The following GRID2 variants were observed in gnomAD, a reference collection of about 807,000 sequenced individuals.
GRID2 encodes the protein glutamate ionotropic receptor delta type subunit 2, also known as glutamate receptor ionotropic, delta-2.
Under a neutral mutation model 114.8 loss-of-function variants are expected in GRID2, and 33 were observed. The ratio of observed to expected loss-of-function variants is 0.29; its 90% CI spans 0.22 to 0.38. GRID2 has a LOEUF of 0.38. Ranked by LOEUF, GRID2 falls within the 10% of genes least tolerant of loss-of-function variation. The pLI is 1.00. For synonymous variants in GRID2, 505 were observed against 449.9 expected (o/e 1.12, Z -1.55); for missense variants, 1,184 against 1,257.7 (o/e 0.94, Z 0.89).
intron 14 of GRID2, among the ~76,000 whole-genome samples, chr4:93,676,788 G>C (rs2110078392): frequency 6.6e-6 from 1 of 150,992 alleles, no homozygotes; most frequent in Non-Finnish European, 1.5e-5. Context: ...AAAAACACCT[G>C]AGAGTTTCCG....
chr4:92,785,935 T>C (rs571130377), intron 2 of GRID2, among the ~76,000 whole-genome samples: 18 of 151,978 alleles, frequency 1.2e-4, no homozygotes, highest in South Asian at 8.3e-4. Flanking sequence ...TTGGAACATA[T>C]GATTTAAGTT....
chr4:93,397,140 A>G (rs1359683545), intron 9 of GRID2, among the ~76,000 whole-genome samples: 1 of 152,026 alleles, frequency 6.6e-6, no homozygotes, highest in Admixed American at 6.6e-5. Context: ...TTTATTGTCA[A>G]AAAAGTGGAT....
intron 2 of GRID2, among the ~76,000 whole-genome samples, chr4:92,690,386 T>G (rs566773524): frequency 2.2e-4 from 33 of 152,250 alleles, no homozygotes; most frequent in African/African-American, 6.7e-4. Context: ...ATTTATTGTC[T>G]AAGTTTGCTG....
chr4:92,618,890 CTT>C (rs990446958), intron 2 of GRID2, among the ~76,000 whole-genome samples: 2 of 151,624 alleles, frequency 1.3e-5, no homozygotes, highest in African/African-American at 4.8e-5. Flanking sequence ...TATCCTGAAA[CTT>C]TTTGAATTTG....
At chr4:92,964,559 A>C (rs1753016079) in intron 2 of GRID2, among the ~76,000 whole-genome samples, 1 of 152,014 alleles carries the variant, frequency 6.6e-6, no homozygotes, top group Admixed American at 6.6e-5. Context: ...TAAAAAATAA[A>C]AATCTGTTGT....
intron 2 of GRID2, among the ~76,000 whole-genome samples, chr4:92,920,647 C>A (rs562564129): frequency 6.4e-4 from 97 of 152,228 alleles, no homozygotes; most frequent in Non-Finnish European, 8.4e-4. Context: ...GTTGAAAATT[C>A]TTTTCTTTAA....
At chr4:93,697,032 T>C (rs1386010110) in intron 14 of GRID2, among the ~76,000 whole-genome samples, 1 of 152,130 alleles carries the variant, frequency 6.6e-6, no homozygotes, top group Non-Finnish European at 1.5e-5. Context: ...ATGCAAAAAA[T>C]ACTAAAATTA....
chr4:92,525,145 A>G (rs1270527604), intron 1 of GRID2, among the ~76,000 whole-genome samples: 2 of 152,032 alleles, frequency 1.3e-5, no homozygotes, highest in Non-Finnish European at 2.9e-5. Flanking sequence ...GGAATCAAAG[A>G]ACTGGTGGAA....
chr4:93,579,376 AT>A (rs1736745868), intron 13 of GRID2, among the ~76,000 whole-genome samples: 1 of 152,110 alleles, frequency 6.6e-6, no homozygotes, highest in Admixed American at 6.6e-5. Context: ...TGATAGGAAT[AT>A]TCCAGTCCTG....
chr4:92,710,598 G>T (rs567110716), intron 2 of GRID2, among the ~76,000 whole-genome samples: 6 of 152,122 alleles, frequency 3.9e-5, no homozygotes, highest in Non-Finnish European at 7.4e-5. Context: ...GTACTTCTGT[G>T]CTATCCTTAT....
At chr4:92,816,869 GTTAAA>G (rs1304640276) in intron 2 of GRID2, among the ~76,000 whole-genome samples, 1 of 152,072 alleles carries the variant, frequency 6.6e-6, no homozygotes, top group African/African-American at 2.4e-5. Context: ...AATAAAAACT[GTTAAA>G]TTTAAAAACA....
At chr4:92,977,168 A>G (rs1753930572) in intron 2 of GRID2, among the ~76,000 whole-genome samples, 1 of 152,188 alleles carries the variant, frequency 6.6e-6, no homozygotes, top group Non-Finnish European at 1.5e-5. Flanking sequence ...GTATTAAAAT[A>G]TGTACTATGC....
intron 2 of GRID2, among the ~76,000 whole-genome samples, chr4:92,990,278 T>C (rs1438141478): frequency 1.9e-5 from 2 of 106,920 alleles, no homozygotes; most frequent in African/African-American, 3.7e-5. Context: ...TGTACGTAGA[T>C]ATGTGTGTGT....
chr4:92,943,401 A>G (rs1169591687), intron 2 of GRID2, among the ~76,000 whole-genome samples: 1 of 152,116 alleles, frequency 6.6e-6, no homozygotes, highest in East Asian at 1.9e-4. Context: ...TTCATCACAT[A>G]GTTCTCATGC....
intron 2 of GRID2, among the ~76,000 whole-genome samples, chr4:92,804,494 A>C (rs950129591): frequency 3.0e-4 from 46 of 152,148 alleles, no homozygotes; most frequent in African/African-American, 1.0e-3. Flanking sequence ...AAGTAAAAAA[A>C]ATGGTTAAAT....
chr4:93,004,845 A>G (rs1333595408), intron 2 of GRID2, among the ~76,000 whole-genome samples: 1 of 152,050 alleles, frequency 6.6e-6, no homozygotes, highest in African/African-American at 2.4e-5. Flanking sequence ...TTATATTAGA[A>G]TTTGGCCCAA....
intron 13 of GRID2, among the ~76,000 whole-genome samples, chr4:93,529,842 A>G (rs1731271032): frequency 6.6e-6 from 1 of 152,106 alleles, no homozygotes; most frequent in Middle Eastern, 3.2e-3. Flanking sequence ...ACAAAACAAT[A>G]CTTATCTGCT....
chr4:92,971,902 T>C (rs1753543159), intron 2 of GRID2, among the ~76,000 whole-genome samples: 1 of 152,174 alleles, frequency 6.6e-6, no homozygotes, highest in Non-Finnish European at 1.5e-5. Flanking sequence ...TATTCTATTG[T>C]GTATATGTAC....
chr4:92,551,127 T>C (rs1444246679), intron 1 of GRID2, among the ~76,000 whole-genome samples: 1 of 152,156 alleles, frequency 6.6e-6, no homozygotes, highest in African/African-American at 2.4e-5. Flanking sequence ...AAAGGATAGA[T>C]AGTATCATTT....
Sources: allele counts gnomAD v4.1 joint callset (sites outside exome capture counted in the v4.1 genomes callset), GRCh38; gene constraint gnomAD v4.1.1; transcripts MANE v1.5; gene names NCBI Gene and HGNC (gene_info 2026-07-23, HGNC 2026-07-21).